USP34: variants seen among roughly 807,000 people sequenced by gnomAD.
USP34 encodes ubiquitin specific peptidase 34.
In USP34, 70 loss-of-function variants were observed where a neutral mutation model predicts 460.3. The observed-to-expected ratio is 0.15, with a 90% confidence interval of 0.13 to 0.19. USP34 has a LOEUF of 0.19. Among genes scored for constraint, USP34 ranks in the 10% least tolerant of loss-of-function variants. The pLI is 1.00. For missense variants in USP34, 3,985 were observed against 4,236.2 expected, an observed-to-expected ratio of 0.94 and a Z score of 1.65; for synonymous variants, 1,647 against 1,405.3, an observed-to-expected ratio of 1.17 and a Z score of -3.85.
At chr2:61,305,608 A>G (rs1690378184) in intron 27 of USP34, among the ~76,000 whole-genome samples, 1 of 152,122 alleles carries the variant, frequency 6.6e-6, no homozygotes, top group African/African-American at 2.4e-5. Flanking sequence ...AGAGAAGAAA[A>G]AGAGAAAAAA....
intron 43 of USP34, among the ~76,000 whole-genome samples, chr2:61,261,770 C>T (rs573144723): frequency 6.6e-6 from 1 of 151,788 alleles, no homozygotes; most frequent in African/African-American, 2.4e-5. Context: ...AATAAAGTGC[C>T]CACTTGACTA....
chr2:61,267,791 A>AT (rs1201825737), intron 41 of USP34, among the ~76,000 whole-genome samples: 2 of 151,708 alleles, frequency 1.3e-5, no homozygotes, highest in Admixed American at 6.6e-5. Flanking sequence ...AATTTTTTGT[A>AT]TTTTTTAGTA....
In USP34 at chr2:61,247,600, C is replaced by T. The variant is rs1360467119; in HGVS notation, c.6394+911G>A. ...CTGGAATGCAGTGGCATAATCATAGCTTACTGCAGCCCTGGACTCCTGGGC... is the reference window on the plus strand; with the variant it reads ...CTGGAATGCAGTGGCATAATCATAGTTTACTGCAGCCCTGGACTCCTGGGC... On this transcript the variant is annotated intron_variant, in intron 49 of 79. Coordinates refer to ENST00000398571, the MANE Select transcript of USP34 (RefSeq NM_014709.4). 2.6e-5 allele frequency among the ~76,000 whole-genome samples: 4 copies of T among 152,120 alleles called. No homozygotes were observed. The East Asian group carries it at 5.8e-4, about 22-fold the overall frequency.
intron 42 of USP34, 64 bp downstream of exon 42, chr2:61,265,920 G>A (rs1441005594): frequency 7.1e-7 from 1 of 1,399,580 alleles, no homozygotes; most frequent in African/African-American, 1.4e-5. Context: ...GTTAAACAGT[G>A]CCCTCAAAAT....
chr2:61,462,005 C>T (rs1305379636), intron 1 of USP34, among the ~76,000 whole-genome samples: 3 of 151,958 alleles, frequency 2.0e-5, no homozygotes, highest in Non-Finnish European at 4.4e-5. Flanking sequence ...TTTAGGGGGC[C>T]GAGGTGGGCA....
rs549078583 is a variant in USP34, at chr2:61,325,732, T to C, written c.2931-275A>G. Among the ~76,000 whole-genome samples the C allele has an allele frequency of 3.9e-5, 6 of 152,232 alleles. No homozygotes were observed. In the South Asian group the frequency reaches 1.0e-3, roughly 26 times the overall value. ...AAATTCAACAGTGAAGCAGAGGAAG[T>C]ATGTCATTTTAAAAGTATGTAACAC... On this transcript the variant is annotated intron_variant, in intron 20 of 79. Coordinates refer to ENST00000398571, the MANE Select transcript of USP34 (RefSeq NM_014709.4).
chr2:61,328,396 G>GA (rs1408637447), intron 20 of USP34, among the ~76,000 whole-genome samples: 1 of 151,044 alleles, frequency 6.6e-6, no homozygotes, highest in Non-Finnish European at 1.5e-5. Flanking sequence ...CATGCTACAA[G>GA]AATCTTTTTC....
At chr2:61,212,077 C>G in intron 68 of USP34, 148 bp from the exon 69 acceptor site, 2 of 1,147,690 alleles carry the variant, frequency 1.7e-6, no homozygotes, top group South Asian at 3.6e-5. Context: ...AAATCAGTAA[C>G]AAATTCTATT....
intron 5 of USP34, among the ~76,000 whole-genome samples, chr2:61,391,121 C>G (rs1358047640): frequency 6.6e-6 from 1 of 151,594 alleles, no homozygotes; most frequent in African/African-American, 2.4e-5. Flanking sequence ...ATAACACTCA[C>G]CATCTGACAA....
rs1203902816 is a variant in USP34 at position 61,395,239 on chromosome 2, T to C, written c.553-6A>G. ...CTTTCTTGAGTTGATATATCCTAAT[T>C]AAAAAAAAAAAAGCAAGTAAAATTA... On this transcript the variant is annotated splice_polypyrimidine_tract_variant and splice_region_variant and intron_variant, in intron 3 of 79. Transcript: ENST00000398571. The C allele has an allele frequency of 1.7e-6, 2 of 1,146,022 alleles. No individual in the cohort carries two copies. Among genetic ancestry groups the C allele is most frequent in the South Asian group, 3.1e-5 (2 of 64,596 alleles). The allele number at this position is 1,146,022 out of a possible 1,614,324, so 71.0% of individuals were successfully genotyped here. A position where few individuals can be genotyped will look rare whatever the true frequency, so the allele number is the denominator to read the frequency against.
chr2:61,286,124 T>C (rs1389950028), intron 34 of USP34, among the ~76,000 whole-genome samples: 2 of 152,198 alleles, frequency 1.3e-5, no homozygotes, highest in South Asian at 2.1e-4. Flanking sequence ...ATTTTGCAAG[T>C]AACTTTTTAA....
At chr2:61,315,146 T>C (rs1341111886) in intron 23 of USP34, among the ~76,000 whole-genome samples, 172 bp from the exon 24 acceptor site, 2 of 152,168 alleles carry the variant, frequency 1.3e-5, no homozygotes, top group African/African-American at 4.8e-5. Flanking sequence ...CTGTACTAGT[T>C]CTAAAAAATA....
At position 61,350,620 on chromosome 2, in the gene USP34, C is replaced by G; in HGVS notation, c.1325G>C (p.Arg442Thr). 6.2e-7 allele frequency: 1 copy of G among 1,613,556 alleles called. No individual in the cohort carries two copies. Among genetic ancestry groups the G allele is most frequent in the Non-Finnish European group, 8.5e-7 (1 of 1,179,840 alleles). The part of the protein sequence containing the change: ...LIKNLDPVPL[R>T]HLLNLVSALE... ...AGCTGAGACCAGATTAAGTAGATGT[C>G]TAAGTGGTACGGGATCCAAATTCTT... is the stretch of plus-strand genomic sequence containing the variant. The change falls in exon 11 of 80, where the codon AGA (arginine) becomes ACA (threonine). Residue 442 changes from arginine (R) to threonine (T), a missense_variant. Transcript: ENST00000398571.
chr2:61,274,128 G>A (rs913935014), intron 41 of USP34, among the ~76,000 whole-genome samples: 1 of 151,892 alleles, frequency 6.6e-6, no homozygotes, highest in African/African-American at 2.4e-5. Flanking sequence ...GGTGGTTCAC[G>A]CCTGTAATGC....
chr2:61,220,856 G>C (rs773422582), intron 66 of USP34, among the ~76,000 whole-genome samples: 3 of 152,192 alleles, frequency 2.0e-5, no homozygotes, highest in Non-Finnish European at 2.9e-5. Flanking sequence ...TACTGCTGTG[G>C]AGAGTTTCTT....
intron 6 of USP34, among the ~76,000 whole-genome samples, chr2:61,381,185 A>T (rs2103864424): frequency 6.6e-6 from 1 of 151,596 alleles, no homozygotes; most frequent in South Asian, 2.1e-4. Flanking sequence ...TCTGCAAGAA[A>T]CACCCAAGAA....
chr2:61,204,396 T>C lies in USP34; in HGVS notation c.9260-16A>G, dbSNP rs1230379081. Reference sequence around the variant, plus strand: ...CCAAGAGACACTAAGATATTAAAAGTGTACAGTAAGAATAAATGGAAAAAA... The same window carrying C: ...CCAAGAGACACTAAGATATTAAAAGCGTACAGTAAGAATAAATGGAAAAAA... On this transcript the variant is annotated splice_polypyrimidine_tract_variant and intron_variant, in intron 73 of 79. Coordinates refer to ENST00000398571, the MANE Select transcript of USP34 (RefSeq NM_014709.4). The C allele has an allele frequency of 6.2e-7, 1 of 1,613,932 alleles. No individual in the cohort carries two copies. The highest frequency in any genetic ancestry group is 8.5e-7 in the Non-Finnish European group (1 of 1,179,946).
rs201654360 is a variant in USP34, at chr2:61,190,480, T to C, written c.9729+38A>G. 3.6e-4 allele frequency: 582 copies of C among 1,605,440 alleles called. No individual in the cohort carries two copies. The highest frequency in any genetic ancestry group is 4.5e-4 in the Non-Finnish European group (534 of 1,176,030). On this transcript the variant is annotated intron_variant, in intron 77 of 79. Coordinates refer to ENST00000398571, the MANE Select transcript of USP34 (RefSeq NM_014709.4). ...TAATGAAACCACAAGCATTAACTAATTAGAAATGACACACTGAGTTTCCAA... is the reference window on the plus strand; with the variant it reads ...TAATGAAACCACAAGCATTAACTAACTAGAAATGACACACTGAGTTTCCAA...
intron 49 of USP34, among the ~76,000 whole-genome samples, chr2:61,246,796 GACA>G (rs1372189359): frequency 6.6e-6 from 1 of 151,868 alleles, no homozygotes; most frequent in African/African-American, 2.4e-5. Context: ...CATAATTATG[GACA>G]ACTTCAATAT....
Sources: gnomAD v4.1 joint callset for allele counts (sites outside exome capture counted in the v4.1 genomes callset) on GRCh38, gnomAD v4.1.1 for gene constraint, MANE v1.5 for transcripts, NCBI Gene and HGNC (gene_info 2026-07-23, HGNC 2026-07-21) for gene names.